Variants in GPR137C observed in about 807,000 individuals in gnomAD.
GPR137C encodes G protein-coupled receptor 137C.
Under a neutral mutation model 43.4 loss-of-function variants are expected in GPR137C, and 27 were observed. The observed-to-expected ratio is 0.62, with a 90% CI of 0.46 to 0.86. The LOEUF (loss-of-function observed/expected upper bound fraction) is 0.86. GPR137C is among the 40% of genes least tolerant of loss of function. GPR137C has a pLI of 0.00. For missense variants in GPR137C, 522 were observed against 534.6 expected (o/e 0.98, Z 0.23); for synonymous variants, 285 against 226.9 (o/e 1.26, Z -2.30).
chr14:52,597,201 G>A (rs1594796580), intron 1 of GPR137C, among the ~76,000 whole-genome samples: 1 of 152,128 alleles, frequency 6.6e-6, no homozygotes, highest in Non-Finnish European at 1.5e-5. Flanking sequence ...CTTTCTTGGA[G>A]TGAATTAGTC....
rs534238145 is a variant in GPR137C at position 52,632,105 on chromosome 14, G to A, written c.718-55G>A. 3.5e-5 allele frequency: 44 copies of A among 1,266,902 alleles called. No individual in the cohort carries two copies. In the South Asian group the frequency reaches 5.3e-4, roughly 15 times the overall value. 78.5% of individuals were successfully genotyped at this position (1,266,902 alleles called of 1,614,324 possible). A position where few individuals can be genotyped will look rare whatever the true frequency, so the allele number is the denominator to read the frequency against. ...TGACCATATTGTATGTACATGAATA[G>A]CTTGTCGTGACAAATGTGTAGAATA... On this transcript the variant is annotated intron_variant, in intron 3 of 6. Transcript: ENST00000321662.
intron 3 of GPR137C, among the ~76,000 whole-genome samples, chr14:52,614,358 C>G (rs1278618664): frequency 2.6e-5 from 4 of 152,082 alleles, no homozygotes; most frequent in African/African-American, 9.7e-5. Flanking sequence ...TGAGCTCAAG[C>G]AATCTGCCCA....
intron 3 of GPR137C, among the ~76,000 whole-genome samples, chr14:52,626,257 G>A (rs2139575521): frequency 6.6e-6 from 1 of 152,206 alleles, no homozygotes; most frequent in Middle Eastern, 3.4e-3. Context: ...AACACTTACA[G>A]ACTAGTGTCC....
chr14:52,575,104 T>A (rs1463093950), intron 1 of GPR137C, among the ~76,000 whole-genome samples: 1 of 152,236 alleles, frequency 6.6e-6, no homozygotes, highest in Non-Finnish European at 1.5e-5. Context: ...AATGAAATGT[T>A]TATAGTAAAC....
chr14:52,628,850 A>T (rs1340438428), intron 3 of GPR137C, among the ~76,000 whole-genome samples: 1 of 152,214 alleles, frequency 6.6e-6, no homozygotes, highest in African/African-American at 2.4e-5. Flanking sequence ...AAATGCAAAG[A>T]CAGGCCACAG....
At chr14:52,587,873 C>G (rs553116298) in intron 1 of GPR137C, among the ~76,000 whole-genome samples, 3 of 152,160 alleles carry the variant, frequency 2.0e-5, no homozygotes, top group Non-Finnish European at 4.4e-5. Context: ...CAATAAAAAA[C>G]CTTTTATGTA....
chr14:52,595,457 A>G (rs1225849184), intron 1 of GPR137C, among the ~76,000 whole-genome samples: 4 of 152,204 alleles, frequency 2.6e-5, no homozygotes, highest in Non-Finnish European at 5.9e-5. Context: ...AGGTACAACA[A>G]TCAAACATAG....
chr14:52,553,165 G>A lies in GPR137C; in HGVS notation c.18G>A (p.Pro6=). The change falls in exon 1 of 7, where the codon CCG becomes CCA. Residue 6 remains proline, a synonymous_variant. Coordinates refer to ENST00000321662, the MANE Select transcript of GPR137C (RefSeq NM_001099652.2). ...GCCCCCTCATGAGGGTGTCCGTGCC[G>A]GGTCCGGCGGCCGCTGCCGCCCCCG... The part of the protein sequence containing the change: MRVSV[P]GPAAAAAPAA... The A allele has an allele frequency of 4.3e-6, 5 of 1,175,292 alleles. No individual in the cohort carries two copies. The highest frequency in any genetic ancestry group is 1.6e-5 in the African/African-American group (1 of 61,970). 72.8% of individuals were successfully genotyped at this position (1,175,292 alleles called of 1,614,324 possible).
intron 3 of GPR137C, chr14:52,613,279 G>A (rs1160120663): frequency 6.6e-6 from 1 of 151,492 alleles, no homozygotes; most frequent in Non-Finnish European, 1.5e-5. Flanking sequence ...TTCTGATACA[G>A]GCATGAGAAG....
chr14:52,553,634 G>T, intron 1 of GPR137C, 43 bp downstream of exon 1: 2 of 1,444,318 alleles, frequency 1.4e-6, no homozygotes, highest in African/African-American at 1.4e-5. Context: ...GCGGGTGCGC[G>T]GGGCCGCCGG....
intron 3 of GPR137C, among the ~76,000 whole-genome samples, chr14:52,603,788 C>G (rs1265451447): frequency 6.6e-6 from 1 of 152,134 alleles, no homozygotes; most frequent in Admixed American, 6.5e-5. Flanking sequence ...ATCCACCCTC[C>G]TCAGCCTCCC....
At chr14:52,594,569 TA>T (rs2038827301) in intron 1 of GPR137C, among the ~76,000 whole-genome samples, 1 of 152,260 alleles carries the variant, frequency 6.6e-6, no homozygotes, top group South Asian at 2.1e-4. Flanking sequence ...TACCATTCAG[TA>T]ATGGCCTTCT....
intron 3 of GPR137C, among the ~76,000 whole-genome samples, chr14:52,622,770 A>G (rs2039174959): frequency 6.6e-6 from 1 of 152,090 alleles, no homozygotes; most frequent in Non-Finnish European, 1.5e-5. Flanking sequence ...GAATTACTTT[A>G]AGGGCACATC....
intron 1 of GPR137C, among the ~76,000 whole-genome samples, chr14:52,562,741 A>G (rs754207329): frequency 6.6e-6 from 1 of 152,244 alleles, no homozygotes; most frequent in Non-Finnish European, 1.5e-5. Context: ...AACTTGAATT[A>G]TGCAGCTAGG....
chr14:52,596,059 C>G (rs1423764924), intron 1 of GPR137C, among the ~76,000 whole-genome samples: 1 of 152,124 alleles, frequency 6.6e-6, no homozygotes. Context: ...ATTAGTTTTC[C>G]TTCTAACAGT....
At chr14:52,610,831 C>G (rs148828805) in intron 3 of GPR137C, among the ~76,000 whole-genome samples, 2 of 152,212 alleles carry the variant, frequency 1.3e-5, no homozygotes, top group Non-Finnish European at 2.9e-5. Context: ...TGCCCAAGTT[C>G]ACATAGTTGA....
At chr14:52,565,329 TC>T (rs2038351407) in intron 1 of GPR137C, among the ~76,000 whole-genome samples, 1 of 152,158 alleles carries the variant, frequency 6.6e-6, no homozygotes, top group South Asian at 2.1e-4. Context: ...CTAAATATAA[TC>T]CTGTCTTTAT....
chr14:52,623,033 G>A (rs935822780), intron 3 of GPR137C, among the ~76,000 whole-genome samples: 10 of 152,014 alleles, frequency 6.6e-5, no homozygotes, highest in African/African-American at 2.4e-4. Context: ...AGTTGGCCCA[G>A]GATAAACAAT....
chr14:52,623,926 G>A (rs2039190514), intron 3 of GPR137C, among the ~76,000 whole-genome samples: 1 of 151,982 alleles, frequency 6.6e-6, no homozygotes. Flanking sequence ...ATATTGTTGT[G>A]CAGCTGTGAC....
Sources: allele counts gnomAD v4.1 joint callset (sites outside exome capture counted in the v4.1 genomes callset), GRCh38; gene constraint gnomAD v4.1.1; transcripts MANE v1.5; gene names NCBI Gene and HGNC (gene_info 2026-07-23, HGNC 2026-07-21).